The following ANKIB1 variants were observed in gnomAD, a reference collection of about 807,000 sequenced individuals.
ANKIB1 encodes ankyrin repeat and IBR domain containing 1.
ANKIB1 carries 43 observed loss-of-function variants against 122.1 expected under a neutral mutation model. The observed-to-expected ratio is 0.35, with a 90% confidence interval of 0.28 to 0.45. ANKIB1 has a LOEUF of 0.45. Ranked by LOEUF, ANKIB1 falls within the 20% of genes least tolerant of loss-of-function variation. The pLI is 1.00. For synonymous variants in ANKIB1, 390 were observed against 442.0 expected, an observed-to-expected ratio of 0.88 and a Z score of 1.48; for missense variants, 992 against 1,329.5, an observed-to-expected ratio of 0.75 and a Z score of 3.95.
chr7:92,264,163 T>C (rs1386572494), intron 1 of ANKIB1, among the ~76,000 whole-genome samples: 6 of 148,374 alleles, frequency 4.0e-5, no homozygotes, highest in South Asian at 2.3e-4. Flanking sequence ...TCGTCGTCGT[T>C]TTTTTTTTTG....
intron 2 of ANKIB1, among the ~76,000 whole-genome samples, chr7:92,299,350 G>A (rs1225276260): frequency 6.6e-6 from 1 of 152,148 alleles, no homozygotes; most frequent in South Asian, 2.1e-4. Context: ...TTATGTATGG[G>A]TGAAAGATAT....
At chr7:92,384,555 A>G (rs1342379306) in intron 11 of ANKIB1, among the ~76,000 whole-genome samples, 1 of 152,212 alleles carries the variant, frequency 6.6e-6, no homozygotes, top group African/African-American at 2.4e-5. Flanking sequence ...CCAATGGAAC[A>G]GAACAGAGGC....
intron 1 of ANKIB1, among the ~76,000 whole-genome samples, chr7:92,281,429 A>G (rs1802010484): frequency 6.6e-6 from 1 of 152,206 alleles, no homozygotes; most frequent in Non-Finnish European, 1.5e-5. Context: ...CCATGGATCA[A>G]CCTTGCAAGA....
At chr7:92,287,229 C>T (rs993442533) in intron 1 of ANKIB1, among the ~76,000 whole-genome samples, 3 of 152,158 alleles carry the variant, frequency 2.0e-5, no homozygotes, top group South Asian at 2.1e-4. Flanking sequence ...TTAGATTTCA[C>T]CAGTTTTCCA....
chr7:92,392,112 A>G (rs2115712301), intron 16 of ANKIB1, 129 bp from the exon 17 acceptor site: 2 of 570,252 alleles, frequency 3.5e-6, no homozygotes, highest in East Asian at 3.0e-5. Flanking sequence ...CTGTTTTAAT[A>G]GTTGATCTAC....
chr7:92,355,404 G>A (rs1257392298), intron 9 of ANKIB1, among the ~76,000 whole-genome samples: 1 of 152,120 alleles, frequency 6.6e-6, no homozygotes, highest in Non-Finnish European at 1.5e-5. Flanking sequence ...AGATGGTATG[G>A]TGGCCATTTC....
chr7:92,393,115 T>C (rs1317380769), intron 17 of ANKIB1, among the ~76,000 whole-genome samples: 2 of 152,126 alleles, frequency 1.3e-5, no homozygotes, highest in African/African-American at 4.8e-5. Flanking sequence ...TTGTTTGTAA[T>C]GTATAACCCA....
At chr7:92,363,411 A>G (rs2115608531) in intron 10 of ANKIB1, among the ~76,000 whole-genome samples, 1 of 152,316 alleles carries the variant, frequency 6.6e-6, no homozygotes, top group South Asian at 2.1e-4. Context: ...CTCCGTCTCA[A>G]AAAAAGAAAA....
At chr7:92,365,069 TA>T (rs1804041756) in intron 10 of ANKIB1, among the ~76,000 whole-genome samples, 1 of 152,246 alleles carries the variant, frequency 6.6e-6, no homozygotes, top group Non-Finnish European at 1.5e-5. Flanking sequence ...TTGTTAATTT[TA>T]AATGTTATCT....
intron 4 of ANKIB1, among the ~76,000 whole-genome samples, chr7:92,326,717 T>G (rs755199636): frequency 1.3e-5 from 2 of 152,188 alleles, no homozygotes; most frequent in Non-Finnish European, 2.9e-5. Context: ...AGTTTGGGGC[T>G]TTTCTAAAGA....
At chr7:92,392,339 G>T (rs769483005) in intron 17 of ANKIB1, 47 bp downstream of exon 17, 22 of 1,522,308 alleles carry the variant, frequency 1.4e-5, no homozygotes, top group Non-Finnish European at 2.0e-5. Flanking sequence ...TCTTAGTGCA[G>T]TCGTGCTTGC....
At chr7:92,252,790 C>T (rs958216482) in intron 1 of ANKIB1, among the ~76,000 whole-genome samples, 1 of 151,946 alleles carries the variant, frequency 6.6e-6, no homozygotes, top group Non-Finnish European at 1.5e-5. Flanking sequence ...TTAGGGCTTT[C>T]TGGCAGAACA....
At chr7:92,368,595 C>T in intron 10 of ANKIB1, among the ~76,000 whole-genome samples, 1 of 151,988 alleles carries the variant, frequency 6.6e-6, no homozygotes, top group Non-Finnish European at 1.5e-5. Flanking sequence ...GTGGCGGGCA[C>T]CTGTAGTCCC....
intron 9 of ANKIB1, among the ~76,000 whole-genome samples, chr7:92,354,378 A>G (rs964542724): frequency 1.3e-5 from 2 of 152,178 alleles, no homozygotes; most frequent in Admixed American, 6.5e-5. Flanking sequence ...TCCCAGTTCA[A>G]GGGATAAACT....
Position 92,268,245 on chromosome 7 carries a change from A to C in ANKIB1, c.-91+21726A>C, listed in dbSNP as rs527277340. ...CCTGGAGTGAAGCCAGTTCTACTAA[A>C]CTATGCTTTGACTGTGGTGAAAGGG... On this transcript the variant is annotated intron_variant, in intron 1 of 19. Transcript: ENST00000265742. Among the ~76,000 whole-genome samples the C allele has an allele frequency of 3.3e-5, 5 of 152,304 alleles. No individual in the cohort carries two copies. In the South Asian group the frequency reaches 1.0e-3, roughly 32 times the overall value.
chr7:92,300,203 C>T (rs995953565), intron 2 of ANKIB1, among the ~76,000 whole-genome samples: 1 of 152,112 alleles, frequency 6.6e-6, no homozygotes, highest in South Asian at 2.1e-4. Context: ...TCTGTCTGTC[C>T]CTGTCATGTG....
At chr7:92,331,721 C>T (rs1325040048) in intron 5 of ANKIB1, among the ~76,000 whole-genome samples, 3 of 152,234 alleles carry the variant, frequency 2.0e-5, no homozygotes, top group South Asian at 2.1e-4. Flanking sequence ...CACTCCTGTA[C>T]GTATTTCATT....
chr7:92,315,281 A>G (rs1014717366), intron 3 of ANKIB1, among the ~76,000 whole-genome samples: 1 of 152,190 alleles, frequency 6.6e-6, no homozygotes, highest in South Asian at 2.1e-4. Context: ...TTTCATTTAG[A>G]AGGCTAGATA....
chr7:92,390,771 C>A (rs1804767709), intron 15 of ANKIB1, among the ~76,000 whole-genome samples: 1 of 152,166 alleles, frequency 6.6e-6, no homozygotes, highest in Non-Finnish European at 1.5e-5. Flanking sequence ...TCCTTCAGCA[C>A]TTTTATATAG....
Sources: gnomAD v4.1 joint callset for allele counts (sites outside exome capture counted in the v4.1 genomes callset) on GRCh38, gnomAD v4.1.1 for gene constraint, MANE v1.5 for transcripts, NCBI Gene and HGNC (gene_info 2026-07-23, HGNC 2026-07-21) for gene names.